Variants in MME observed in about 807,000 individuals in gnomAD.
The protein encoded by MME is membrane metalloendopeptidase.
A neutral mutation model predicts 113.2 loss-of-function variants in MME; 98 were observed. That is an observed-to-expected ratio of 0.87 (90% CI 0.74 to 1.02). MME has a LOEUF of 1.02. Among genes scored for constraint, MME ranks in the 50% least tolerant of loss-of-function variants. MME has a pLI of 0.00. For missense variants in MME, 836 were observed against 896.0 expected (o/e 0.93, Z 0.86); for synonymous variants, 292 against 300.6 (o/e 0.97, Z 0.30).
At chr3:155,147,855 T>C (rs1721641055) in intron 15 of MME, among the ~76,000 whole-genome samples, 1 of 152,188 alleles carries the variant, frequency 6.6e-6, no homozygotes, top group Non-Finnish European at 1.5e-5. Flanking sequence ...TCCTCATTCA[T>C]TGATTACTAG....
At chr3:155,114,269 T>C (rs1718418902) in intron 3 of MME, among the ~76,000 whole-genome samples, 1 of 152,210 alleles carries the variant, frequency 6.6e-6, no homozygotes, top group Admixed American at 6.5e-5. Flanking sequence ...TAATAATTCC[T>C]ATTTTATACA....
In MME at chr3:155,060,829, C is replaced by CAGAGAGAG. The variant is rs138935329; in HGVS notation, c.-10-23306_-10-23299dup. ...TCCTTGGTGAGTACCTGCAGAGAGG[C>CAGAGAGAG]AGAGAGAGAGAGAGAGAGAGAGAGA... On this transcript the variant is annotated intron_variant, in intron 1 of 22. Transcript: ENST00000492661. Among the ~76,000 whole-genome samples, 439 of 137,742 alleles carry CAGAGAGAG rather than the reference C, an allele frequency of 3.2e-3. 3 individuals are homozygous for CAGAGAGAG. The highest frequency in any genetic ancestry group is 0.011 in the African/African-American group (401 of 37,438). 90.4% of individuals were successfully genotyped at this position (137,742 alleles called of 152,430 possible). A position where few individuals can be genotyped will look rare whatever the true frequency, so the allele number is the denominator to read the frequency against.
intron 3 of MME, among the ~76,000 whole-genome samples, chr3:155,097,863 A>G (rs1461844997): frequency 6.6e-6 from 1 of 152,210 alleles, no homozygotes; most frequent in Non-Finnish European, 1.5e-5. Context: ...CACAGAACTG[A>G]TGGCTCTGTT....
At position 155,145,928 on chromosome 3, in the gene MME, T is replaced by C. The variant is rs965586788; in HGVS notation, c.1417-1216T>C. Among the ~76,000 whole-genome samples, 5 of 152,130 alleles carry C rather than the reference T, an allele frequency of 3.3e-5. No individual in the cohort carries two copies. In the South Asian group the frequency reaches 8.3e-4, roughly 25 times the overall value. On this transcript the variant is annotated intron_variant, in intron 14 of 22. Coordinates refer to ENST00000360490, the MANE Select transcript of MME (RefSeq NM_007289.4). Reference sequence around the variant, plus strand: ...GCCTCAGTGACTTCAGTGATACATATGAGGCCTGATCCACTGACTGGGGAA... The same window carrying C: ...GCCTCAGTGACTTCAGTGATACATACGAGGCCTGATCCACTGACTGGGGAA...
intron 22 of MME, among the ~76,000 whole-genome samples, chr3:155,175,243 C>T (rs908613028): frequency 2.6e-5 from 4 of 151,700 alleles, no homozygotes; most frequent in African/African-American, 9.7e-5. Context: ...TGCTTTTTGA[C>T]TTATTTTGGG....
chr3:155,097,552 G>A (rs1262816196), intron 3 of MME, among the ~76,000 whole-genome samples: 2 of 152,208 alleles, frequency 1.3e-5, no homozygotes, highest in African/African-American at 4.8e-5. Context: ...GAAAATTGAT[G>A]GATTTTGTCC....
In MME at chr3:155,143,489, C is replaced by T. The variant is rs550513379; in HGVS notation, c.1235C>T (p.Ala412Val). ...GAAACAGCAACTTGGAGACGTTGTG[C>T]AAACTATGTCAATGGGAATATGGAA... The part of the protein sequence containing the change: ...TSETATWRRC[A>V]NYVNGNMENA... The change falls in exon 13 of 23, where the codon GCA (alanine) becomes GTA (valine). Residue 412 changes from alanine (A) to valine (V), a missense_variant. Ala to Val is a moderately conservative substitution (Grantham distance 64). Transcript: ENST00000360490. The T allele has an allele frequency of 6.2e-7, 1 of 1,612,700 alleles. No individual in the cohort carries two copies. Among genetic ancestry groups the T allele is most frequent in the East Asian group, 2.2e-5 (1 of 44,834 alleles).
At chr3:155,177,823 G>A (rs1037993940) in intron 22 of MME, among the ~76,000 whole-genome samples, 3 of 152,116 alleles carry the variant, frequency 2.0e-5, no homozygotes, top group Non-Finnish European at 2.9e-5. Context: ...CTCTTTCAGG[G>A]TTATTCAGGA....
chr3:155,137,377 G>C (rs1720712874), intron 8 of MME, among the ~76,000 whole-genome samples: 1 of 152,156 alleles, frequency 6.6e-6, no homozygotes, highest in African/African-American at 2.4e-5. Context: ...ATGAATAGTT[G>C]AGAAAATGAC....
At chr3:155,036,178 A>G (rs1349882463) in intron 1 of MME, among the ~76,000 whole-genome samples, 1 of 152,198 alleles carries the variant, frequency 6.6e-6, no homozygotes, top group Non-Finnish European at 1.5e-5. Context: ...ATATGTTGTG[A>G]TAAGCAGAAT....
chr3:155,166,851 T>G, intron 17 of MME, 51 bp from the exon 18 acceptor site: 1 of 1,612,344 alleles, frequency 6.2e-7, no homozygotes, highest in South Asian at 1.1e-5. Context: ...AAAATAAAAA[T>G]TTTAAAAACT....
chr3:155,028,482 C>T (rs1160993467), intron 1 of MME, among the ~76,000 whole-genome samples: 1 of 152,148 alleles, frequency 6.6e-6, no homozygotes. Context: ...AGGGGATCAC[C>T]TGGTGTAGCA....
intron 7 of MME, among the ~76,000 whole-genome samples, chr3:155,117,391 T>C (rs1718711269): frequency 6.6e-6 from 1 of 152,152 alleles, no homozygotes; most frequent in African/African-American, 2.4e-5. Context: ...GAAAAGGGAT[T>C]TTAAACATCA....
At chr3:155,039,803 C>T (rs1195607619) in intron 1 of MME, among the ~76,000 whole-genome samples, 2 of 151,698 alleles carry the variant, frequency 1.3e-5, no homozygotes, top group African/African-American at 4.8e-5. Context: ...TTTTTTCTTC[C>T]CAGTTTCATT....
At chr3:155,058,278 T>C (rs73874487) in intron 1 of MME, among the ~76,000 whole-genome samples, 22,153 of 152,138 alleles carry the variant, frequency 0.15, 2,762 homozygotes, top group African/African-American at 0.34. Context: ...ATCTCCCTCT[T>C]CTCAAAAGAC....
intron 3 of MME, among the ~76,000 whole-genome samples, chr3:155,108,812 A>C (rs939428669): frequency 2.0e-4 from 31 of 152,084 alleles, no homozygotes; most frequent in African/African-American, 7.5e-4. Context: ...CACATATATA[A>C]ATATTAAGAT....
intron 12 of MME, among the ~76,000 whole-genome samples, chr3:155,142,720 G>A (rs1200924971): frequency 6.6e-6 from 1 of 152,144 alleles, no homozygotes; most frequent in Non-Finnish European, 1.5e-5. Context: ...CAATATTGAT[G>A]TGGGCAGTCT....
chr3:155,141,904 T>A (rs1721118514), intron 10 of MME, 87 bp from the exon 11 acceptor site: 6 of 1,443,708 alleles, frequency 4.2e-6, no homozygotes, highest in Non-Finnish European at 5.8e-6. Context: ...AATATCAAAC[T>A]GATCCAACCC....
chr3:155,088,490 C>A (rs1217521835), intron 3 of MME, among the ~76,000 whole-genome samples: 1 of 151,964 alleles, frequency 6.6e-6, no homozygotes, highest in Non-Finnish European at 1.5e-5. Flanking sequence ...TCAAGACCAG[C>A]CTGACCAACA....
Sources: allele counts gnomAD v4.1 joint callset (sites outside exome capture counted in the v4.1 genomes callset), GRCh38; gene constraint gnomAD v4.1.1; transcripts MANE v1.5; gene names NCBI Gene and HGNC (gene_info 2026-07-23, HGNC 2026-07-21).